Variants in ZFC3H1 observed in about 807,000 individuals in gnomAD.
ZFC3H1 encodes the protein zinc finger C3H1 domain-containing protein.
Under a neutral mutation model 243.7 loss-of-function variants are expected in ZFC3H1, and 71 were observed. The ratio of observed to expected loss-of-function variants is 0.29; its 90% CI spans 0.24 to 0.36. The LOEUF (loss-of-function observed/expected upper bound fraction) is 0.36. Ranked by LOEUF, ZFC3H1 falls within the 10% of genes least tolerant of loss-of-function variation. ZFC3H1 has a pLI of 1.00. For synonymous variants in ZFC3H1, 838 were observed against 813.0 expected, an observed-to-expected ratio of 1.03 and a Z score of -0.52; for missense variants, 1,966 against 2,317.1, an observed-to-expected ratio of 0.85 and a Z score of 3.11.
In ZFC3H1 at chr12:71,623,401, T is replaced by TCTTGAACAG; in HGVS notation, c.4694_4702dup (p.Ala1565_Gln1567dup). On this transcript the variant is annotated inframe_insertion, in exon 24 of 35. Coordinates refer to ENST00000378743, the MANE Select transcript of ZFC3H1 (RefSeq NM_144982.5). ...CAACATGTCAGGATTAGTCTTTACA[T>TCTTGAACAG]CTTGAACAGCTTGCCATGGCATTAC... 1 of 1,613,490 alleles carries TCTTGAACAG rather than the reference T, an allele frequency of 6.2e-7. No individual in the cohort carries two copies. Among genetic ancestry groups the TCTTGAACAG allele is most frequent in the Non-Finnish European group, 8.5e-7 (1 of 1,179,764 alleles).
In ZFC3H1 at chr12:71,611,089, G is replaced by C. The variant is rs1418486833; in HGVS notation, c.5738C>G (p.Ala1913Gly). ...TTGTCCCTTTAGAACAATCTCAGCAGCAATGGCTCTAAGAGAAAAAAAAAA... is the reference window on the plus strand; with the variant it reads ...TTGTCCCTTTAGAACAATCTCAGCACCAATGGCTCTAAGAGAAAAAAAAAA... ...TCLATWKIAI[A>G]AEIVLKGQRE... Residue 1913 changes from alanine to glycine, a missense_variant, in exon 33 of 35, where the codon GCT becomes GGT. Ala to Gly is a moderately conservative substitution (Grantham distance 60, BLOSUM62 0). This residue lies in a region of ZFC3H1 where 1,383 missense variants were observed against 1,723.7 expected (regional missense o/e 0.80). Transcript: ENST00000378743. 14 of 1,526,320 alleles carry C rather than the reference G, an allele frequency of 9.2e-6. No individual in the cohort carries two copies. Among genetic ancestry groups the C allele is most frequent in the African/African-American group, 1.5e-5 (1 of 68,346 alleles). The allele number at this position is 1,526,320 out of a possible 1,614,324, so 94.5% of individuals were successfully genotyped here.
chr12:71,641,107 T>C (rs1464926486), intron 6 of ZFC3H1, among the ~76,000 whole-genome samples: 1 of 152,188 alleles, frequency 6.6e-6, no homozygotes, highest in Non-Finnish European at 1.5e-5. Flanking sequence ...GTTCTCTATA[T>C]GTTTCACAAA....
intron 11 of ZFC3H1, 76 bp downstream of exon 11, chr12:71,634,628 G>T: frequency 6.9e-7 from 1 of 1,452,060 alleles, no homozygotes; most frequent in South Asian, 1.3e-5. Context: ...TCATTCCCCA[G>T]TGCCAAGAAA....
intron 3 of ZFC3H1, among the ~76,000 whole-genome samples, chr12:71,646,157 C>T (rs1490459425): frequency 6.6e-6 from 1 of 152,192 alleles, no homozygotes; most frequent in Non-Finnish European, 1.5e-5. Context: ...ATATGAACTA[C>T]TATAAGCCCT....
chr12:71,660,756 A>T (rs1031170928), intron 1 of ZFC3H1, among the ~76,000 whole-genome samples: 3 of 152,078 alleles, frequency 2.0e-5, no homozygotes, highest in South Asian at 4.1e-4. Flanking sequence ...TTTTTATACT[A>T]AACTGCAACT....
chr12:71,651,336 T>C (rs1349333306), intron 2 of ZFC3H1, among the ~76,000 whole-genome samples: 5 of 152,218 alleles, frequency 3.3e-5, no homozygotes, highest in Non-Finnish European at 7.3e-5. Context: ...CTATTAGTGC[T>C]GCAACCTGTA....
chr12:71,645,566 TTATGTG>T (rs1281890319), intron 3 of ZFC3H1, among the ~76,000 whole-genome samples: 2 of 152,204 alleles, frequency 1.3e-5, no homozygotes, highest in African/African-American at 4.8e-5. Context: ...AAATTTTCTT[TTATGTG>T]TATATTTTTT....
At position 71,637,040 on chromosome 12, in the gene ZFC3H1, T is replaced by A; in HGVS notation, c.1745A>T (p.Gln582Leu). The change falls in exon 8 of 35, where the codon CAG becomes CTG. Residue 582 changes from glutamine to leucine, a missense_variant. Physicochemically the swap from Gln to Leu is moderately radical, Grantham distance 113. Transcript: ENST00000378743. Reference sequence around the variant, plus strand: ...AACACACAAGCCTTCCACATAAGGCTGGCTCAAAGGTGGCAGAGACTATTT... The same window carrying A: ...AACACACAAGCCTTCCACATAAGGCAGGCTCAAAGGTGGCAGAGACTATTT... ...PQVSSLPPLS[Q>L]PYVEGLCVSL... 1.2e-6 allele frequency: 2 copies of A among 1,613,292 alleles called. No homozygotes were observed. Among genetic ancestry groups the A allele is most frequent in the Non-Finnish European group, 1.7e-6 (2 of 1,179,750 alleles).
At chr12:71,631,340 T>C (rs1880318524) in intron 16 of ZFC3H1, among the ~76,000 whole-genome samples, 1 of 152,150 alleles carries the variant, frequency 6.6e-6, no homozygotes, top group South Asian at 2.1e-4. Context: ...CATGCAACCC[T>C]TTAACATTCT....
intron 17 of ZFC3H1, 21 bp from the exon 18 acceptor site, chr12:71,630,742 G>T (rs1880302196): frequency 6.2e-7 from 1 of 1,603,480 alleles, no homozygotes; most frequent in African/African-American, 1.3e-5. Context: ...AAAAAACACA[G>T]AAAAGATAAT....
chr12:71,615,133 A>G, intron 28 of ZFC3H1, 73 bp downstream of exon 28: 1 of 1,299,838 alleles, frequency 7.7e-7, no homozygotes, highest in Admixed American at 1.9e-5. Context: ...ATTATAACAA[A>G]CACAGTGTAA....
intron 32 of ZFC3H1, 92 bp from the exon 33 acceptor site, chr12:71,611,189 T>G: frequency 1.5e-4 from 187 of 1,208,358 alleles, no homozygotes; most frequent in Middle Eastern, 6.0e-4. Flanking sequence ...ACTGGCAGAA[T>G]ACTGACTGTG....
At chr12:71,624,559 C>T (rs1880111883) in intron 22 of ZFC3H1, among the ~76,000 whole-genome samples, 2 of 152,154 alleles carry the variant, frequency 1.3e-5, no homozygotes, top group African/African-American at 4.8e-5. Flanking sequence ...TTTCTCTTTT[C>T]CCTGACTTAA....
At position 71,657,074 on chromosome 12, in the gene ZFC3H1, T is replaced by C; in HGVS notation, c.826A>G (p.Ser276Gly). The C allele has an allele frequency of 3.1e-6, 5 of 1,614,018 alleles. No homozygotes were observed. The highest frequency in any genetic ancestry group is 4.2e-6 in the Non-Finnish European group (5 of 1,179,946). Residue 276 changes from serine to glycine, a missense_variant, in exon 2 of 35, where the codon AGT becomes GGT. Ser to Gly is a moderately conservative substitution (Grantham distance 56, BLOSUM62 0). Coordinates refer to ENST00000378743, the MANE Select transcript of ZFC3H1 (RefSeq NM_144982.5). Reference protein sequence around the residue: ...FEDQTSTDNVSITKDSSKEVA... With the variant: ...FEDQTSTDNVGITKDSSKEVA... ...TCTTTACTTGAATCCTTTGTAATAC[T>C]GACATTATCAGTGCTAGTTTGGTCC... is the stretch of plus-strand genomic sequence containing the variant.
chr12:71,629,865 T>C (rs1255526558), intron 18 of ZFC3H1, among the ~76,000 whole-genome samples, 155 bp from the exon 19 acceptor site: 1 of 152,042 alleles, frequency 6.6e-6, no homozygotes, highest in Non-Finnish European at 1.5e-5. Flanking sequence ...GCCTGTATTA[T>C]CTTAACTACT....
chr12:71,660,855 T>C (rs140079825), intron 1 of ZFC3H1, among the ~76,000 whole-genome samples: 1 of 152,152 alleles, frequency 6.6e-6, no homozygotes, highest in East Asian at 1.9e-4. Flanking sequence ...CTCTCGCCTA[T>C]AAATCCCAGC....
chr12:71,614,547 T>C lies in ZFC3H1; in HGVS notation c.5514A>G (p.Glu1838=). The C allele has an allele frequency of 6.3e-7, 1 of 1,586,632 alleles. No homozygotes were observed. Among genetic ancestry groups the C allele is most frequent in the Non-Finnish European group, 8.5e-7 (1 of 1,170,704 alleles). ...FSSADYWSNY[E]FHNRVIFFYL... Reference sequence around the variant, plus strand: ...TTTGAGTTCTTACCCTATTATGAAATTCATAGTTGGACCAGTAATCAGCAC... The same window carrying C: ...TTTGAGTTCTTACCCTATTATGAAACTCATAGTTGGACCAGTAATCAGCAC... Residue 1838 remains glutamate (E), a synonymous_variant, in exon 30 of 35, where the codon GAA becomes GAG. Coordinates refer to ENST00000378743, the MANE Select transcript of ZFC3H1 (RefSeq NM_144982.5).
At chr12:71,635,393 C>T (rs749376907) in intron 10 of ZFC3H1, 50 bp downstream of exon 10, 17 of 1,533,994 alleles carry the variant, frequency 1.1e-5, no homozygotes, top group Non-Finnish European at 1.5e-5. Context: ...ATAAACTTTA[C>T]TGATCATCAA....
chr12:71,650,918 C>G (rs1004714750), intron 2 of ZFC3H1, among the ~76,000 whole-genome samples: 2 of 152,292 alleles, frequency 1.3e-5, no homozygotes, highest in African/African-American at 4.8e-5. Context: ...CATCTCTAAT[C>G]CCTTCTCTCC....
Sources: allele counts gnomAD v4.1 joint callset (sites outside exome capture counted in the v4.1 genomes callset), GRCh38; gene constraint gnomAD v4.1.1; regional missense constraint gnomAD v4.1.1; transcripts MANE v1.5; gene names NCBI Gene and HGNC (gene_info 2026-07-23, HGNC 2026-07-21).